The following SGCZ variants were observed in gnomAD, a reference collection of about 807,000 sequenced individuals.
The protein encoded by SGCZ is sarcoglycan zeta, also known as zeta-sarcoglycan.
Under a neutral mutation model 41.3 loss-of-function variants are expected in SGCZ, and 40 were observed. The ratio of observed to expected loss-of-function variants is 0.97; its 90% CI spans 0.75 to 1.26. The LOEUF (loss-of-function observed/expected upper bound fraction) is 1.26. Among genes scored for constraint, SGCZ ranks in the 50% most tolerant of loss-of-function variants. The pLI, the probability that SGCZ is intolerant of heterozygous loss-of-function variation, is 0.00. For synonymous variants in SGCZ, 206 were observed against 137.5 expected (o/e 1.50, Z -3.49); for missense variants, 552 against 369.8 (o/e 1.49, Z -4.04).
intron 1 of SGCZ, among the ~76,000 whole-genome samples, chr8:14,952,887 C>T (rs544954126): frequency 1.3e-5 from 2 of 152,054 alleles, no homozygotes; most frequent in Non-Finnish European, 2.9e-5. Context: ...TGCTGGAAAC[C>T]ATTCTGGAGA....
intron 1 of SGCZ, among the ~76,000 whole-genome samples, chr8:14,969,611 T>G (rs933512580): frequency 2.6e-5 from 4 of 151,958 alleles, no homozygotes; most frequent in African/African-American, 9.7e-5. Flanking sequence ...GTTTTTGTTT[T>G]GACTTTTATA....
chr8:14,316,675 C>G (rs1196876092), intron 3 of SGCZ, among the ~76,000 whole-genome samples: 1 of 151,858 alleles, frequency 6.6e-6, no homozygotes, highest in African/African-American at 2.4e-5. Context: ...GCCTTTGTGT[C>G]TTAGACTGTG....
chr8:14,640,530 G>T (rs573094265), intron 1 of SGCZ, among the ~76,000 whole-genome samples: 4 of 151,356 alleles, frequency 2.6e-5, no homozygotes, highest in Admixed American at 2.0e-4. Context: ...ATGTATCTTC[G>T]TGAATATTCC....
chr8:14,624,508 G>T (rs906053055), intron 1 of SGCZ, among the ~76,000 whole-genome samples: 2 of 146,550 alleles, frequency 1.4e-5, no homozygotes, highest in Admixed American at 6.8e-5. Context: ...TAAGAGCAAA[G>T]GAATTGTAAA....
At chr8:14,319,972 C>A (rs1801861667) in intron 3 of SGCZ, among the ~76,000 whole-genome samples, 1 of 151,824 alleles carries the variant, frequency 6.6e-6, no homozygotes, top group African/African-American at 2.4e-5. Context: ...TAAGTTCAGC[C>A]ATTTCCTAAT....
chr8:14,920,160 G>C (rs1799549054), intron 1 of SGCZ, among the ~76,000 whole-genome samples: 1 of 152,112 alleles, frequency 6.6e-6, no homozygotes, highest in Admixed American at 6.6e-5. Flanking sequence ...AAAACTTGGA[G>C]TGCATTTTAG....
intron 1 of SGCZ, among the ~76,000 whole-genome samples, chr8:14,878,512 CTGAT>C (rs1804455776): frequency 6.6e-6 from 1 of 152,040 alleles, no homozygotes; most frequent in Non-Finnish European, 1.5e-5. Context: ...TTTCTGATAT[CTGAT>C]TGGCTACAAA....
chr8:14,094,525 G>A (rs951813069), intron 7 of SGCZ, among the ~76,000 whole-genome samples: 5 of 151,946 alleles, frequency 3.3e-5, no homozygotes, highest in African/African-American at 4.8e-5. Context: ...TTTGTTTATC[G>A]AGTCATTCAT....
At chr8:14,317,612 A>C (rs1040659195) in intron 3 of SGCZ, among the ~76,000 whole-genome samples, 1 of 152,022 alleles carries the variant, frequency 6.6e-6, no homozygotes, top group Admixed American at 6.6e-5. Flanking sequence ...CTAACAGGAA[A>C]TATGCAATGC....
chr8:14,857,812 G>C (rs913494694), intron 1 of SGCZ, among the ~76,000 whole-genome samples: 6 of 152,148 alleles, frequency 3.9e-5, no homozygotes, highest in African/African-American at 1.4e-4. Flanking sequence ...GTAGCAGTGA[G>C]CTGAGACTAC....
chr8:14,965,840 A>T (rs1801111698), intron 1 of SGCZ, among the ~76,000 whole-genome samples: 1 of 152,140 alleles, frequency 6.6e-6, no homozygotes, highest in Non-Finnish European at 1.5e-5. Flanking sequence ...AAACTACAGC[A>T]GGGCAAATCT....
At chr8:14,492,767 G>C (rs1801878293) in intron 2 of SGCZ, among the ~76,000 whole-genome samples, 1 of 152,104 alleles carries the variant, frequency 6.6e-6, no homozygotes, top group Admixed American at 6.6e-5. Flanking sequence ...AAGCAACCTG[G>C]ACGTCTCTTC....
chr8:14,121,459 G>A (rs190497538), intron 5 of SGCZ, among the ~76,000 whole-genome samples: 24 of 152,084 alleles, frequency 1.6e-4, no homozygotes, highest in Non-Finnish European at 2.2e-4. Context: ...TAAAGTACCC[G>A]TTTAATTAAT....
chr8:14,871,628 A>T (rs1454929879), intron 1 of SGCZ, among the ~76,000 whole-genome samples: 1 of 151,772 alleles, frequency 6.6e-6, no homozygotes, highest in Non-Finnish European at 1.5e-5. Context: ...ACACAGTGAA[A>T]CCCCATCTCT....
At chr8:14,592,893 G>A (rs1164639226) in intron 1 of SGCZ, among the ~76,000 whole-genome samples, 1 of 152,108 alleles carries the variant, frequency 6.6e-6, no homozygotes, top group Non-Finnish European at 1.5e-5. Flanking sequence ...ATCACATAAT[G>A]TTTCTTAGCT....
At chr8:14,425,644 A>G (rs528124588) in intron 2 of SGCZ, among the ~76,000 whole-genome samples, 15 of 53,818 alleles carry the variant, frequency 2.8e-4, no homozygotes, top group East Asian at 2.7e-3. Flanking sequence ...AAAAGAAAAA[A>G]AAAAAGAAAA....
chr8:14,893,693 G>T (rs537860824), intron 1 of SGCZ, among the ~76,000 whole-genome samples: 37 of 152,288 alleles, frequency 2.4e-4, no homozygotes, highest in African/African-American at 8.2e-4. Flanking sequence ...GAACTATGCT[G>T]ATAAGCGCTC....
chr8:14,235,885 A>G (rs537576860), intron 4 of SGCZ, among the ~76,000 whole-genome samples: 1 of 152,240 alleles, frequency 6.6e-6, no homozygotes, highest in South Asian at 2.1e-4. Flanking sequence ...GGGTTTCACC[A>G]TGTTGGACAG....
chr8:14,443,442 G>A (rs1585520761), intron 2 of SGCZ, among the ~76,000 whole-genome samples: 1 of 152,028 alleles, frequency 6.6e-6, no homozygotes, highest in Non-Finnish European at 1.5e-5. Context: ...AAAACAGCAT[G>A]GTACTGGTAC....
Sources: allele counts gnomAD v4.1 joint callset (sites outside exome capture counted in the v4.1 genomes callset), GRCh38; gene constraint gnomAD v4.1.1; transcripts MANE v1.5; gene names NCBI Gene and HGNC (gene_info 2026-07-23, HGNC 2026-07-21).